POLA1: variants seen among roughly 807,000 people sequenced by gnomAD.
The protein encoded by POLA1 is DNA polymerase alpha 1, catalytic subunit, also known as DNA polymerase alpha catalytic subunit.
Under a neutral mutation model 124.0 loss-of-function variants are expected in POLA1, and 15 were observed. The ratio of observed to expected loss-of-function variants is 0.12; its 90% CI spans 0.08 to 0.19. POLA1 has a LOEUF of 0.19. Ranked by LOEUF, POLA1 falls within the 10% of genes least tolerant of loss-of-function variation. The pLI is 1.00. For missense variants in POLA1, 886 were observed against 1,103.4 expected (o/e 0.80, Z 2.79); for synonymous variants, 408 against 389.4 (o/e 1.05, Z -0.56).
At chrX:24,737,118 A>G (rs4898299) in intron 18 of POLA1, among the ~76,000 whole-genome samples, 57,784 of 110,118 alleles carry the variant, frequency 0.52, 12,141 homozygotes, top group African/African-American at 0.81. Context: ...ATCTTGTTGC[A>G]TATCAATTAT....
chrX:24,835,151 G>A lies in POLA1; in HGVS notation c.3737-6501G>A, dbSNP rs1415219777. ...CAACCTCTGCCTCCCAGGTTCAAGC[G>A]ATTCTCCTGCCTTAGCCTCCTGAGT... On this transcript the variant is annotated intron_variant, in intron 32 of 36. Transcript: ENST00000379068. 5.5e-5 allele frequency among the ~76,000 whole-genome samples: 6 copies of A among 108,794 alleles called. No individual in the cohort carries two copies. The Admixed American group carries it at 5.9e-4, about 11-fold the overall frequency. 94.5% of individuals were successfully genotyped at this position (108,794 alleles called of 115,157 possible).
chrX:24,964,073 A>T (rs2048196970), intron 36 of POLA1, among the ~76,000 whole-genome samples: 2 of 111,761 alleles, frequency 1.8e-5, no homozygotes, highest in Non-Finnish European at 3.8e-5. Context: ...GGAAGTGCTG[A>T]TTGGTGGGAA....
chrX:24,737,547 A>C lies in POLA1; in HGVS notation c.1924-78A>C, dbSNP rs1931352547. 3 of 554,547 alleles carry C rather than the reference A, an allele frequency of 5.4e-6. No individual in the cohort carries two copies. In the Admixed American group the frequency reaches 8.9e-5, roughly 16 times the overall value. The allele number at this position is 554,547 out of a possible 1,213,427, so 45.7% of individuals were successfully genotyped here. A position where few individuals can be genotyped will look rare whatever the true frequency, so the allele number is the denominator to read the frequency against. On this transcript the variant is annotated intron_variant, in intron 18 of 36. Coordinates refer to ENST00000379068, the MANE Select transcript of POLA1 (RefSeq NM_001330360.2). ...GAGACTAGAAAAAGAAAGGGCAAAG[A>C]AATTCTGTGCGTATGAAGATAAATC...
intron 34 of POLA1, among the ~76,000 whole-genome samples, chrX:24,852,471 C>T (rs1433601299): frequency 7.2e-5 from 8 of 110,419 alleles, no homozygotes; most frequent in African/African-American, 2.6e-4. Flanking sequence ...CCACCACCCT[C>T]AGCTAATTTT....
chrX:24,709,787 C>T (rs1304156952), intron 4 of POLA1, among the ~76,000 whole-genome samples: 1 of 50,092 alleles, frequency 2.0e-5, no homozygotes, highest in Non-Finnish European at 3.8e-5. Flanking sequence ...ACATCTCAGA[C>T]GATGGGCGGC....
At chrX:24,973,389 AAAAG>A (rs942942460) in intron 36 of POLA1, among the ~76,000 whole-genome samples, 28 of 109,358 alleles carry the variant, frequency 2.6e-4, no homozygotes, top group Non-Finnish European at 3.8e-4. Flanking sequence ...GCAAGAAAGA[AAAAG>A]AAAGAGAGAG....
chrX:24,879,702 A>C (rs1171271015), intron 34 of POLA1, among the ~76,000 whole-genome samples: 1 of 111,967 alleles, frequency 8.9e-6, no homozygotes, highest in Non-Finnish European at 1.9e-5. Flanking sequence ...ATGAATAGGG[A>C]GAGTATTTTA....
At chrX:24,805,829 A>G in intron 26 of POLA1, among the ~76,000 whole-genome samples, 1 of 110,561 alleles carries the variant, frequency 9.0e-6, no homozygotes, top group Non-Finnish European at 1.9e-5. Context: ...TCTAGCCGTT[A>G]GCACTTACAA....
Position 24,810,770 on chromosome X carries a change from T to C in POLA1, c.3060T>C (p.Asn1020=). 9.2e-7 allele frequency: 1 copy of C among 1,085,816 alleles called. No individual in the cohort carries two copies. Among genetic ancestry groups the C allele is most frequent in the Non-Finnish European group, 1.3e-6 (1 of 787,532 alleles). 89.5% of individuals were successfully genotyped at this position (1,085,816 alleles called of 1,213,427 possible). A position where few individuals can be genotyped will look rare whatever the true frequency, so the allele number is the denominator to read the frequency against. The change falls in exon 28 of 37, where the codon AAT becomes AAC. Residue 1020 remains asparagine (N), a synonymous_variant. Transcript: ENST00000379068. ...DSIMINTNST[N]LEEVFKLGNK... ...TTATGATAAACACCAATAGCACCAA[T>C]CTGGAAGAAGTATTTAAGTTGGGAA...
intron 26 of POLA1, among the ~76,000 whole-genome samples, chrX:24,771,232 C>T (rs2045027425): frequency 9.0e-6 from 1 of 111,256 alleles, no homozygotes; most frequent in Admixed American, 9.6e-5. Flanking sequence ...ACCACCTTCC[C>T]TTCCTAGAAC....
intron 34 of POLA1, among the ~76,000 whole-genome samples, chrX:24,853,939 T>G (rs1393304267): frequency 8.9e-5 from 10 of 112,364 alleles, no homozygotes; most frequent in Non-Finnish European, 1.7e-4. Flanking sequence ...AATTTTACTT[T>G]CATTGAGGAC....
At chrX:24,994,442 C>G (rs1395298466) in intron 36 of POLA1, among the ~76,000 whole-genome samples, 1 of 112,608 alleles carries the variant, frequency 8.9e-6, no homozygotes, top group Non-Finnish European at 1.9e-5. Context: ...GCTCTCCCCT[C>G]CGTGTTTCCT....
chrX:24,706,842 C>G (rs745915263), intron 4 of POLA1, among the ~76,000 whole-genome samples: 6 of 111,944 alleles, frequency 5.4e-5, no homozygotes, highest in Non-Finnish European at 1.1e-4. Flanking sequence ...TGTTTGTATT[C>G]AAATTTCAGT....
At chrX:24,775,288 T>G (rs777279830) in intron 26 of POLA1, 4 of 111,828 alleles carry the variant, frequency 3.6e-5, no homozygotes, top group Non-Finnish European at 7.5e-5. Flanking sequence ...TAGCTTGTGG[T>G]ACAGAAGCAC....
intron 36 of POLA1, among the ~76,000 whole-genome samples, chrX:24,965,399 C>T (rs994072506): frequency 2.5e-4 from 28 of 112,362 alleles, no homozygotes; most frequent in African/African-American, 9.1e-4. Flanking sequence ...TTAAACACTT[C>T]CTCACATAGC....
chrX:24,956,574 C>A (rs2048109384), intron 36 of POLA1, among the ~76,000 whole-genome samples: 2 of 110,487 alleles, frequency 1.8e-5, no homozygotes, highest in Non-Finnish European at 3.8e-5. Context: ...CATTCTATAT[C>A]CCCCGCCCCT....
chrX:24,763,531 T>C (rs1364442165), intron 26 of POLA1, among the ~76,000 whole-genome samples: 1 of 111,115 alleles, frequency 9.0e-6, no homozygotes, highest in Non-Finnish European at 1.9e-5. Flanking sequence ...TGAGATTACT[T>C]TGGGAGAGAG....
intron 36 of POLA1, among the ~76,000 whole-genome samples, chrX:24,969,915 G>A (rs1000779216): frequency 3.6e-5 from 4 of 111,728 alleles, no homozygotes; most frequent in Non-Finnish European, 7.5e-5. Context: ...GTGAGAACAT[G>A]CAGCGTTTGG....
chrX:24,731,211 AAAAC>A (rs771300388), intron 15 of POLA1, among the ~76,000 whole-genome samples: 1 of 111,978 alleles, frequency 8.9e-6, no homozygotes, highest in Admixed American at 9.4e-5. Context: ...TGGAGACAGA[AAAAC>A]AAGTTAAGTG....
Sources: allele counts gnomAD v4.1 joint callset (sites outside exome capture counted in the v4.1 genomes callset), GRCh38; gene constraint gnomAD v4.1.1; transcripts MANE v1.5; gene names NCBI Gene and HGNC (gene_info 2026-07-23, HGNC 2026-07-21).